VCL: variants seen among roughly 807,000 people sequenced by gnomAD.
The protein encoded by VCL is vinculin.
Under a neutral mutation model 125.7 loss-of-function variants are expected in VCL, and 47 were observed. That is an observed-to-expected ratio of 0.37 (90% CI 0.30 to 0.48). The LOEUF is 0.48. VCL is among the 20% of genes least tolerant of loss of function. The pLI is 0.99. For synonymous variants in VCL, 458 were observed against 514.6 expected (o/e 0.89, Z 1.49); for missense variants, 1,069 against 1,455.5 (o/e 0.73, Z 4.32).
At chr10:74,069,454 C>T (rs980131228) in intron 2 of VCL, among the ~76,000 whole-genome samples, 6 of 152,128 alleles carry the variant, frequency 3.9e-5, no homozygotes, top group Non-Finnish European at 7.4e-5. Flanking sequence ...GTCCACAGCC[C>T]AGTGCTTTTT....
chr10:74,004,157 T>G (rs1172039811), intron 1 of VCL, among the ~76,000 whole-genome samples: 3 of 152,180 alleles, frequency 2.0e-5, no homozygotes, highest in Admixed American at 2.0e-4. Flanking sequence ...AGTGTTTGGG[T>G]GGGTGATTTT....
Position 74,090,147 on chromosome 10 carries a change from C to A in VCL, c.1301C>A (p.Ser434Tyr), listed in dbSNP as rs757541730. 1.8e-5 allele frequency: 29 copies of A among 1,613,984 alleles called. No individual in the cohort carries two copies. The highest frequency in any genetic ancestry group is 3.3e-4 in the Middle Eastern group (2 of 6,082). Reference sequence around the variant, plus strand: ...AAAGAAAGAGATGACATTCTACGTTCCCTTGGGGAAATATCTGCTCTGACT... The same window carrying A: ...AAAGAAAGAGATGACATTCTACGTTACCTTGGGGAAATATCTGCTCTGACT... ...DPKERDDILR[S>Y]LGEISALTSK... The change falls in exon 10 of 22, where the codon TCC becomes TAC. Residue 434 changes from serine to tyrosine, a missense_variant. By Grantham distance (144) the Ser-to-Tyr change is moderately radical. Coordinates refer to ENST00000211998, the MANE Select transcript of VCL (RefSeq NM_014000.3).
intron 1 of VCL, among the ~76,000 whole-genome samples, chr10:74,003,047 T>G (rs1464391723): frequency 6.6e-6 from 1 of 151,618 alleles, no homozygotes; most frequent in Non-Finnish European, 1.5e-5. Context: ...ACTCCACAAT[T>G]AGGGAGGGGG....
intron 18 of VCL, among the ~76,000 whole-genome samples, chr10:74,109,742 C>T (rs745366020): frequency 1.3e-5 from 2 of 152,160 alleles, no homozygotes; most frequent in Admixed American, 6.5e-5. Context: ...ATGGATGCTA[C>T]AGCAGTCTTG....
chr10:74,029,334 C>T (rs1466251937), intron 1 of VCL, among the ~76,000 whole-genome samples: 2 of 148,414 alleles, frequency 1.3e-5, no homozygotes, highest in South Asian at 2.1e-4. Context: ...AGGATGGTCT[C>T]GATCTTCTGA....
chr10:73,999,262 T>C (rs1565629265), intron 1 of VCL, among the ~76,000 whole-genome samples: 1 of 152,200 alleles, frequency 6.6e-6, no homozygotes, highest in Non-Finnish European at 1.5e-5. Context: ...ATCTGGGATC[T>C]GCCGCCCCTG....
Position 74,097,565 on chromosome 10 carries a change from C to T in VCL, c.1872+233C>T, listed in dbSNP as rs1027982107. On this transcript the variant is annotated intron_variant, in intron 13 of 21. Coordinates refer to ENST00000211998, the MANE Select transcript of VCL (RefSeq NM_014000.3). The surrounding 1 kb of genome is among the most constrained non-coding windows in gnomAD (Gnocchi z 4.1). Reference sequence around the variant, plus strand: ...CCTGACCATCAGAGATGAAAACAACCGGGTTTGTTTTCATCACAAACCAAG... The same window carrying T: ...CCTGACCATCAGAGATGAAAACAACTGGGTTTGTTTTCATCACAAACCAAG... 6.6e-6 allele frequency among the ~76,000 whole-genome samples: 1 copy of T among 152,210 alleles called. No homozygotes were observed. Among genetic ancestry groups the T allele is most frequent in the Non-Finnish European group, 1.5e-5 (1 of 68,000 alleles).
At position 74,089,218 on chromosome 10, in the gene VCL, G is replaced by A. The variant is rs769843518; in HGVS notation, c.1045G>A (p.Ala349Thr). 5 of 1,614,050 alleles carry A rather than the reference G, an allele frequency of 3.1e-6. No individual in the cohort carries two copies. The highest frequency in any genetic ancestry group is 4.2e-6 in the Non-Finnish European group (5 of 1,179,984). The change falls in exon 9 of 22, where the codon GCC (alanine) becomes ACC (threonine). Residue 349 changes from alanine (A) to threonine (T), a missense_variant. By Grantham distance (58) the Ala-to-Thr change is moderately conservative. Around this residue, in one of 6 missense-constraint regions of VCL, gnomAD observed 760 missense variants for 928.9 expected, o/e 0.82. Coordinates refer to ENST00000211998, the MANE Select transcript of VCL (RefSeq NM_014000.3). ...CAGAGGACAAGGATCCTCACCGGTG[G>A]CCATGCAGAAAGCTCAGCAGGTATC... Reference protein sequence around the residue: ...RARGQGSSPVAMQKAQQVSQG... With the variant: ...RARGQGSSPVTMQKAQQVSQG...
chr10:74,037,999 C>CTTTTTT (rs56198344), intron 1 of VCL, among the ~76,000 whole-genome samples: 1 of 130,060 alleles, frequency 7.7e-6, no homozygotes, highest in African/African-American at 3.0e-5. Context: ...CTTTTCTTTT[C>CTTTTTT]TTTTTTTTTT....
At chr10:74,102,234 GTT>G (rs1384429758) in intron 14 of VCL, among the ~76,000 whole-genome samples, 5 of 135,382 alleles carry the variant, frequency 3.7e-5, no homozygotes, top group African/African-American at 2.7e-5. Context: ...CTTTGTGAGA[GTT>G]TTTTTTTTTT....
At chr10:74,117,481 C>G (rs11597732) in intron 21 of VCL, among the ~76,000 whole-genome samples, 80,733 of 151,992 alleles carry the variant, frequency 0.53, 22,412 homozygotes, top group Middle Eastern at 0.62. Flanking sequence ...ATGGCGGAAC[C>G]CCATCTGTAC....
At chr10:74,073,776 C>T (rs1424561280) in intron 5 of VCL, among the ~76,000 whole-genome samples, 1 of 152,142 alleles carries the variant, frequency 6.6e-6, no homozygotes, top group Non-Finnish European at 1.5e-5. Flanking sequence ...TGCCAGACAG[C>T]TCATGGTTTA....
intron 2 of VCL, among the ~76,000 whole-genome samples, chr10:74,045,620 C>G (rs936331521): frequency 2.8e-5 from 3 of 107,352 alleles, no homozygotes; most frequent in Non-Finnish European, 4.3e-5. Flanking sequence ...GAGACTCTGT[C>G]TCAAAAAAAA....
intron 1 of VCL, among the ~76,000 whole-genome samples, chr10:74,009,175 C>T (rs1424716641): frequency 2.9e-5 from 4 of 138,320 alleles, no homozygotes; most frequent in African/African-American, 8.3e-5. Flanking sequence ...CACATAAGTT[C>T]AGGTGAAATA....
chr10:74,023,760 A>G (rs1840718149), intron 1 of VCL, among the ~76,000 whole-genome samples: 1 of 152,254 alleles, frequency 6.6e-6, no homozygotes, highest in African/African-American at 2.4e-5. Flanking sequence ...TGTCTAATCT[A>G]TTAATGTTCT....
chr10:74,090,183 C>T lies in VCL; in HGVS notation c.1337C>T (p.Ala446Val). Residue 446 changes from alanine (A) to valine (V), a missense_variant, in exon 10 of 22, where the codon GCA becomes GTA. Physicochemically the swap from Ala to Val is moderately conservative, Grantham distance 64. This residue lies in a region of VCL where 760 missense variants were observed against 928.9 expected (regional missense o/e 0.82). Transcript: ENST00000211998. ...GEISALTSKL[A>V]DLRRQGKGDS... ...ATATCTGCTCTGACTTCTAAATTAG[C>T]AGATCTACGAAGACAGTATGTATTT... The T allele has an allele frequency of 6.2e-7, 1 of 1,614,136 alleles. No individual in the cohort carries two copies. The highest frequency in any genetic ancestry group is 1.1e-5 in the South Asian group (1 of 91,086).
intron 16 of VCL, among the ~76,000 whole-genome samples, 184 bp downstream of exon 16, chr10:74,105,537 T>C (rs1022275202): frequency 2.6e-5 from 4 of 152,174 alleles, no homozygotes; most frequent in African/African-American, 4.8e-5. Flanking sequence ...AGCAGGCTTG[T>C]TGTATGTTAG....
chr10:74,060,326 CT>C (rs1176719388), intron 2 of VCL, among the ~76,000 whole-genome samples: 7 of 151,492 alleles, frequency 4.6e-5, no homozygotes, highest in Non-Finnish European at 7.4e-5. Context: ...TAGTAACTCA[CT>C]TTTTCTGGAT....
chr10:74,017,560 T>TC (rs988762247), intron 1 of VCL, among the ~76,000 whole-genome samples: 6 of 150,402 alleles, frequency 4.0e-5, no homozygotes, highest in African/African-American at 9.7e-5. Flanking sequence ...TTTCTTTCTT[T>TC]TTTTTTTTTT....
Sources: allele counts gnomAD v4.1 joint callset (sites outside exome capture counted in the v4.1 genomes callset), GRCh38; gene constraint gnomAD v4.1.1; regional missense constraint gnomAD v4.1.1; non-coding constraint Gnocchi (gnomAD v3.1); transcripts MANE v1.5; gene names NCBI Gene and HGNC (gene_info 2026-07-23, HGNC 2026-07-21).